The following FAM199X variants were observed in gnomAD, a reference collection of about 807,000 sequenced individuals.
The protein encoded by FAM199X is family with sequence similarity 199, X-linked, also known as protein FAM199X.
FAM199X carries 4 observed loss-of-function variants against 22.9 expected under a neutral mutation model. That is an observed-to-expected ratio of 0.17 (90% CI 0.09 to 0.40). The LOEUF (loss-of-function observed/expected upper bound fraction) is 0.40. Among genes scored for constraint, FAM199X ranks in the 10% least tolerant of loss-of-function variants. The pLI is 1.00. For synonymous variants in FAM199X, 101 were observed against 112.3 expected (o/e 0.90, Z 0.64); for missense variants, 183 against 306.8 (o/e 0.60, Z 3.01).
intron 2 of FAM199X, among the ~76,000 whole-genome samples, chrX:104,176,719 T>C (rs782640724): frequency 4.5e-5 from 5 of 112,184 alleles, no homozygotes; most frequent in Non-Finnish European, 9.4e-5. Flanking sequence ...TAAAAACATA[T>C]GGGATTATAC....
intron 1 of FAM199X, among the ~76,000 whole-genome samples, chrX:104,171,379 A>T (rs1921348715): frequency 9.0e-6 from 1 of 111,385 alleles, no homozygotes; most frequent in South Asian, 3.8e-4. Flanking sequence ...TTTGAGAGTA[A>T]TATTATGGTG....
rs1262854751 is a variant in FAM199X at position 104,166,505 on chromosome X, C to T, written c.-281C>T. On this transcript the variant is annotated 5_prime_UTR_variant, in exon 1 of 6. Transcript: ENST00000493442. ...GGGCGGGCCTGGCCGGGCCGGGCGGCGGCGCTGCGCTGACGGGCTGAGTCT... is the reference window on the plus strand; with the variant it reads ...GGGCGGGCCTGGCCGGGCCGGGCGGTGGCGCTGCGCTGACGGGCTGAGTCT... 4.2e-5 allele frequency: 8 copies of T among 189,301 alleles called. No homozygotes were observed. The highest frequency in any genetic ancestry group is 1.8e-3 in the Middle Eastern group (1 of 569). The allele number at this position is 189,301 out of a possible 1,213,427, so 15.6% of individuals were successfully genotyped here.
intron 2 of FAM199X, among the ~76,000 whole-genome samples, chrX:104,184,224 A>G (rs1315446648): frequency 8.9e-6 from 1 of 112,443 alleles, no homozygotes; most frequent in Non-Finnish European, 1.9e-5. Flanking sequence ...ACTGCTGTGT[A>G]CAAAGTAGGA....
chrX:104,187,567 AT>A (rs1281813592), intron 4 of FAM199X, among the ~76,000 whole-genome samples: 1 of 111,934 alleles, frequency 8.9e-6, no homozygotes, highest in African/African-American at 3.2e-5. Context: ...ATTCCAGCAA[AT>A]TTTTCATTAG....
At chrX:104,171,602 C>T (rs1166861293) in intron 1 of FAM199X, among the ~76,000 whole-genome samples, 2 of 111,979 alleles carry the variant, frequency 1.8e-5, no homozygotes, top group Non-Finnish European at 3.8e-5. Flanking sequence ...CACTCATGAT[C>T]CTTTTCCCCA....
chrX:104,175,866 G>A (rs782813900), intron 2 of FAM199X, 24 bp downstream of exon 2: 1 of 1,086,813 alleles, frequency 9.2e-7, no homozygotes, highest in Admixed American at 2.3e-5. Flanking sequence ...TCCTTTTCTT[G>A]ACATTGTTAC....
chrX:104,182,417 C>T (rs1327810162), intron 2 of FAM199X, among the ~76,000 whole-genome samples: 5 of 111,308 alleles, frequency 4.5e-5, no homozygotes, highest in African/African-American at 6.5e-5. Context: ...ATTTTGTCCC[C>T]ATAGTGCTTT....
At chrX:104,170,502 T>A (rs1476863841) in intron 1 of FAM199X, among the ~76,000 whole-genome samples, 2 of 111,377 alleles carry the variant, frequency 1.8e-5, no homozygotes, top group Non-Finnish European at 3.8e-5. Context: ...GAGTGGAAGG[T>A]TTTCAATAAA....
At chrX:104,184,717 C>T (rs1284132657) in intron 2 of FAM199X, among the ~76,000 whole-genome samples, 7 of 110,837 alleles carry the variant, frequency 6.3e-5, no homozygotes, top group Admixed American at 5.8e-4. Context: ...TAATTTTTCT[C>T]TTGTAATACT....
Position 104,190,558 on chromosome X carries a change from A to AT in FAM199X, c.*782dup, listed in dbSNP as rs1441986983. On this transcript the variant is annotated 3_prime_UTR_variant, in exon 6 of 6. Transcript: ENST00000493442. Reference sequence around the variant, plus strand: ...GAATTTTAGACTTGATGCTATGTTGATTAATATTTAAATGGTGAAAGTAAT... The same window carrying AT: ...GAATTTTAGACTTGATGCTATGTTGATTTAATATTTAAATGGTGAAAGTAAT... 1.8e-5 allele frequency: 2 copies of AT among 112,110 alleles called. No individual in the cohort carries two copies. Among genetic ancestry groups the AT allele is most frequent in the Non-Finnish European group, 3.8e-5 (2 of 53,220 alleles). The allele number at this position is 112,110 out of a possible 1,213,427, so 9.2% of individuals were successfully genotyped here.
At chrX:104,178,178 T>C (rs1921541673) in intron 2 of FAM199X, among the ~76,000 whole-genome samples, 1 of 110,910 alleles carries the variant, frequency 9.0e-6, no homozygotes, top group African/African-American at 3.3e-5. Flanking sequence ...GTTTGTTTTT[T>C]TGAGACAGAG....
intron 2 of FAM199X, among the ~76,000 whole-genome samples, chrX:104,183,785 A>G (rs1220229727): frequency 1.8e-5 from 2 of 112,342 alleles, no homozygotes; most frequent in East Asian, 5.5e-4. Flanking sequence ...TTTTAAAAGA[A>G]GTTATACAGA....
At chrX:104,170,094 A>G (rs1247506679) in intron 1 of FAM199X, among the ~76,000 whole-genome samples, 1 of 112,545 alleles carries the variant, frequency 8.9e-6, no homozygotes, top group Non-Finnish European at 1.9e-5. Context: ...TGTAGTGTTT[A>G]AGACATTTTC....
At chrX:104,158,620 G>A in the FAM199X span, among the ~76,000 whole-genome samples, 1 of 111,874 alleles carries the variant, frequency 8.9e-6, no homozygotes, top group Non-Finnish European at 1.9e-5. Context: ...CTCTGTCCCA[G>A]GTTAAAACAA....
intron 2 of FAM199X, among the ~76,000 whole-genome samples, chrX:104,183,450 G>A (rs1448715764): frequency 9.1e-6 from 1 of 110,133 alleles, no homozygotes; most frequent in Non-Finnish European, 1.9e-5. Context: ...GTTAGTTAAT[G>A]AGATTTTATG....
chrX:104,189,076 C>G (rs5962554), intron 5 of FAM199X, among the ~76,000 whole-genome samples: 29,186 of 110,705 alleles, frequency 0.26, 3,418 homozygotes, highest in East Asian at 0.56. Context: ...TATCAGTTCA[C>G]CGGTGACAAG....
At chrX:104,167,035 C>G (rs1380591261) in intron 1 of FAM199X, 53 bp downstream of exon 1, 8 of 1,023,016 alleles carry the variant, frequency 7.8e-6, no homozygotes, top group African/African-American at 2.0e-5. Flanking sequence ...GGTCGCCCCC[C>G]GCTCCTGATC....
chrX:104,171,381 A>G (rs1921348946), intron 1 of FAM199X, among the ~76,000 whole-genome samples: 1 of 111,408 alleles, frequency 9.0e-6, no homozygotes, highest in Non-Finnish European at 1.9e-5. Context: ...TGAGAGTAAT[A>G]TTATGGTGAT....
rs1474979219 is a variant in FAM199X at position 104,174,076 on chromosome X, A to G, written c.198-1547A>G. Among the ~76,000 whole-genome samples the G allele has an allele frequency of 1.1e-4, 12 of 111,162 alleles. No individual in the cohort carries two copies. In the Admixed American group the frequency reaches 1.2e-3, roughly 11 times the overall value. On this transcript the variant is annotated intron_variant, in intron 1 of 5. Coordinates refer to ENST00000493442, the MANE Select transcript of FAM199X (RefSeq NM_207318.4). ...GATGGCTTGAGCTCAGGAGTTTGAG[A>G]CGAGCCTGGGCAACATGGCAAAACC...
Sources: gnomAD v4.1 joint callset for allele counts (sites outside exome capture counted in the v4.1 genomes callset) on GRCh38, gnomAD v4.1.1 for gene constraint, MANE v1.5 for transcripts, NCBI Gene and HGNC (gene_info 2026-07-23, HGNC 2026-07-21) for gene names.